The following TRPC4AP variants were observed in gnomAD, a reference collection of about 807,000 sequenced individuals.
TRPC4AP encodes short transient receptor potential channel 4-associated protein.
A neutral mutation model predicts 99.0 loss-of-function variants in TRPC4AP; 45 were observed. That is an observed-to-expected ratio of 0.45 (90% CI 0.36 to 0.58). The LOEUF (loss-of-function observed/expected upper bound fraction) is 0.58. TRPC4AP is among the 20% of genes least tolerant of loss of function. TRPC4AP has a pLI of 0.00. For synonymous variants in TRPC4AP, 408 were observed against 385.8 expected, an observed-to-expected ratio of 1.06 and a Z score of -0.67; for missense variants, 879 against 985.3, an observed-to-expected ratio of 0.89 and a Z score of 1.44.
chr20:35,035,906 G>C lies in TRPC4AP; in HGVS notation c.866-598C>G, dbSNP rs187377803. ...TGCTTCTTCAAAATACACAAGGAATGAAAGCATATATACCAAGGAATTTAC... is the reference window on the plus strand; with the variant it reads ...TGCTTCTTCAAAATACACAAGGAATCAAAGCATATATACCAAGGAATTTAC... On this transcript the variant is annotated intron_variant, in intron 7 of 18. Transcript: ENST00000252015. 3.8e-4 allele frequency among the ~76,000 whole-genome samples: 58 copies of C among 152,248 alleles called. No homozygotes were observed. In the East Asian group the frequency reaches 9.4e-3, roughly 25 times the overall value.
At chr20:35,053,957 TG>T (rs2083763188) in intron 5 of TRPC4AP, among the ~76,000 whole-genome samples, 1 of 152,210 alleles carries the variant, frequency 6.6e-6, no homozygotes, top group African/African-American at 2.4e-5. Context: ...TTCCCCTATT[TG>T]TGTTGGCTGC....
chr20:35,032,514 C>T lies in TRPC4AP; in HGVS notation c.1051+2609G>A, dbSNP rs561229137. 2.1e-5 allele frequency among the ~76,000 whole-genome samples: 3 copies of T among 142,164 alleles called. 1 individual carries two copies. In the South Asian group the frequency reaches 6.7e-4, roughly 32 times the overall value. The allele number at this position is 142,164 out of a possible 152,430, so 93.3% of individuals were successfully genotyped here. A position where few individuals can be genotyped will look rare whatever the true frequency, so the allele number is the denominator to read the frequency against. The stretch of plus-strand genomic sequence containing the variant: ...TGAGACAGAGTCTCGCACTGTCGCC[C>T]AGGCTGAAATGCAGTGGCAGGATCT... On this transcript the variant is annotated intron_variant, in intron 8 of 18. Coordinates refer to ENST00000252015, the MANE Select transcript of TRPC4AP (RefSeq NM_015638.3).
chr20:35,051,239 C>T (rs1335986451), intron 5 of TRPC4AP, among the ~76,000 whole-genome samples: 1 of 152,100 alleles, frequency 6.6e-6, no homozygotes, highest in Non-Finnish European at 1.5e-5. Context: ...TAAATGGGAA[C>T]CCCAAGCTAG....
In TRPC4AP at chr20:35,010,212, C is replaced by T. The variant is rs1457947458; in HGVS notation, c.1486G>A (p.Val496Met). The change falls in exon 12 of 19, where the codon GTG becomes ATG. Residue 496 changes from valine (V) to methionine (M), a missense_variant. By Grantham distance (21) the Val-to-Met change is conservative. This residue lies in a region of TRPC4AP where 603 missense variants were observed against 631.8 expected (regional missense o/e 0.95). Coordinates refer to ENST00000252015, the MANE Select transcript of TRPC4AP (RefSeq NM_015638.3). Reference sequence around the variant, plus strand: ...CTGTCGGTGTTGAGGACAGCTTCCACCTCAGGGATGTTGGCCTTGAGAGAG... The same window carrying T: ...CTGTCGGTGTTGAGGACAGCTTCCATCTCAGGGATGTTGGCCTTGAGAGAG... ...AISLKANIPE[V>M]EAVLNTDRSL... is the part of the protein sequence containing the mutation. 6.2e-7 allele frequency: 1 copy of T among 1,614,190 alleles called. No individual in the cohort carries two copies.
intron 11 of TRPC4AP, among the ~76,000 whole-genome samples, chr20:35,011,313 A>G (rs984918062): frequency 3.9e-5 from 6 of 152,130 alleles, no homozygotes; most frequent in Non-Finnish European, 8.8e-5. Flanking sequence ...TGAACCTCCT[A>G]GCTTAGCCTA....
chr20:35,042,499 C>A (rs1260511014), intron 7 of TRPC4AP, among the ~76,000 whole-genome samples: 4 of 152,138 alleles, frequency 2.6e-5, no homozygotes, highest in Admixed American at 6.5e-5. Flanking sequence ...GTTTTCAGAG[C>A]ATGATTAGGG....
At chr20:35,039,792 CAGA>C (rs777108609) in intron 7 of TRPC4AP, among the ~76,000 whole-genome samples, 8 of 151,924 alleles carry the variant, frequency 5.3e-5, no homozygotes, top group Non-Finnish European at 8.8e-5. Flanking sequence ...TCTAAATCGA[CAGA>C]AGAACAACTG....
chr20:35,080,428 G>C (rs1653477644), intron 1 of TRPC4AP, among the ~76,000 whole-genome samples: 1 of 151,514 alleles, frequency 6.6e-6, no homozygotes. Context: ...TTGAGCCCAG[G>C]AGGCAGAGGT....
At chr20:35,071,654 T>C (rs1484615864) in intron 2 of TRPC4AP, among the ~76,000 whole-genome samples, 1 of 152,148 alleles carries the variant, frequency 6.6e-6, no homozygotes, top group Non-Finnish European at 1.5e-5. Flanking sequence ...GGTGTATATG[T>C]GCCACATTTT....
chr20:35,060,885 C>T (rs1028487650), intron 3 of TRPC4AP, among the ~76,000 whole-genome samples: 2 of 152,034 alleles, frequency 1.3e-5, no homozygotes, highest in African/African-American at 4.8e-5. Flanking sequence ...GCTAGCATCA[C>T]GCTTAACAGT....
intron 3 of TRPC4AP, among the ~76,000 whole-genome samples, chr20:35,059,844 C>CGAAGAT (rs1334588966): frequency 1.3e-5 from 2 of 149,244 alleles, no homozygotes; most frequent in African/African-American, 5.0e-5. Context: ...ACAAAGAAGA[C>CGAAGAT]GAAGATGAAG....
At chr20:35,056,176 T>C (rs895898119) in intron 4 of TRPC4AP, among the ~76,000 whole-genome samples, 2 of 152,220 alleles carry the variant, frequency 1.3e-5, no homozygotes, top group African/African-American at 2.4e-5. Flanking sequence ...GGCTCTGTGA[T>C]TGATTTATTT....
At chr20:35,025,399 C>A (rs959380690) in intron 8 of TRPC4AP, among the ~76,000 whole-genome samples, 2 of 152,094 alleles carry the variant, frequency 1.3e-5, no homozygotes, top group African/African-American at 2.4e-5. Context: ...GTTGTTTGAG[C>A]TGGTCTTGAA....
chr20:35,088,759 T>G (rs1008063021), intron 1 of TRPC4AP, among the ~76,000 whole-genome samples: 2 of 152,212 alleles, frequency 1.3e-5, no homozygotes, highest in African/African-American at 4.8e-5. Flanking sequence ...TGATTTTTTT[T>G]TCCAAGGAAA....
At chr20:35,071,931 T>A (rs150886303) in intron 2 of TRPC4AP, among the ~76,000 whole-genome samples, 21,123 of 152,128 alleles carry the variant, frequency 0.14, 1,837 homozygotes, top group African/African-American at 0.25. Context: ...TTTCTCCACA[T>A]CCTCTCCAGC....
rs548850086 is a variant in TRPC4AP, at chr20:35,088,056, G to A, written c.168+4558C>T. Among the ~76,000 whole-genome samples the A allele has an allele frequency of 6.6e-5, 10 of 152,258 alleles. 1 individual carries two copies. In the East Asian group the frequency reaches 1.5e-3, roughly 23 times the overall value. On this transcript the variant is annotated intron_variant, in intron 1 of 18. Transcript: ENST00000252015. ...CATCCAGAGCTAAAAGGAGAAACAC[G>A]AATGGAAACAGAAACTTAGGATCCG...
intron 1 of TRPC4AP, among the ~76,000 whole-genome samples, chr20:35,087,372 A>ACTCAGGGGCATTT (rs2084916156): frequency 6.6e-6 from 1 of 152,054 alleles, no homozygotes; most frequent in Non-Finnish European, 1.5e-5. Context: ...ATCTAAAGAA[A>ACTCAGGGGCATTT]AAATATAAAG....
intron 8 of TRPC4AP, 120 bp from the exon 9 acceptor site, chr20:35,021,476 A>G: frequency 8.7e-7 from 1 of 1,151,426 alleles, no homozygotes; most frequent in Non-Finnish European, 1.2e-6. Context: ...TGAGCCCAAA[A>G]CACAGACTCT....
intron 1 of TRPC4AP, among the ~76,000 whole-genome samples, chr20:35,080,220 T>G (rs538869191): frequency 5.9e-5 from 9 of 151,876 alleles, no homozygotes; most frequent in Non-Finnish European, 1.3e-4. Flanking sequence ...CTGGGCACAG[T>G]GTCTCATGCC....
Sources: allele counts gnomAD v4.1 joint callset (sites outside exome capture counted in the v4.1 genomes callset), GRCh38; gene constraint gnomAD v4.1.1; regional missense constraint gnomAD v4.1.1; transcripts MANE v1.5; gene names NCBI Gene and HGNC (gene_info 2026-07-23, HGNC 2026-07-21).